TVP23B: variants seen among roughly 807,000 people sequenced by gnomAD.
TVP23B encodes trans-golgi network vesicle protein 23 homolog B.
Under a neutral mutation model 30.6 loss-of-function variants are expected in TVP23B, and 10 were observed. The ratio of observed to expected loss-of-function variants is 0.33; its 90% CI spans 0.20 to 0.55. The LOEUF is 0.55. Ranked by LOEUF, TVP23B falls within the 20% of genes least tolerant of loss-of-function variation. The pLI is 0.91. For missense variants in TVP23B, 153 were observed against 243.2 expected (o/e 0.63, Z 2.47); for synonymous variants, 67 against 83.1 (o/e 0.81, Z 1.06).
At chr17:18,784,700 A>T (rs1195660653) in intron 1 of TVP23B, among the ~76,000 whole-genome samples, 1 of 152,198 alleles carries the variant, frequency 6.6e-6, no homozygotes, top group Admixed American at 6.5e-5. Flanking sequence ...CATCTTACTT[A>T]TGAGCAGCAT....
intron 5 of TVP23B, among the ~76,000 whole-genome samples, chr17:18,800,941 A>G (rs367554687): frequency 0.034 from 4,919 of 144,218 alleles, no homozygotes; most frequent in Non-Finnish European, 0.045. Context: ...AGCTGTCTGG[A>G]GACACAGGGG....
At chr17:18,787,704 C>T (rs2035929668) in intron 1 of TVP23B, among the ~76,000 whole-genome samples, 1 of 152,104 alleles carries the variant, frequency 6.6e-6, no homozygotes, top group African/African-American at 2.4e-5. Context: ...TTCTTAGAGA[C>T]CATGTAGTAA....
chr17:18,792,177 G>T (rs2036007334), intron 3 of TVP23B, among the ~76,000 whole-genome samples: 1 of 151,818 alleles, frequency 6.6e-6, no homozygotes, highest in African/African-American at 2.4e-5. Flanking sequence ...GGGATTACAG[G>T]CATGCACCAC....
At position 18,790,925 on chromosome 17, in the gene TVP23B, T is replaced by C. The variant is rs2035982557; in HGVS notation, c.125T>C (p.Phe42Ser). The C allele has an allele frequency of 6.2e-7, 1 of 1,611,476 alleles. No individual in the cohort carries two copies. Among genetic ancestry groups the C allele is most frequent in the East Asian group, 2.2e-5 (1 of 44,850 alleles). ...RHPVASFFHL[F>S]FRVSAIIVYL... ...CCAGTAGCATCGTTTTTCCACTTATTCTTTCGAGTCAGTGCAATCATCGTC... is the reference window on the plus strand; with the variant it reads ...CCAGTAGCATCGTTTTTCCACTTATCCTTTCGAGTCAGTGCAATCATCGTC... Residue 42 changes from phenylalanine (F) to serine (S), a missense_variant, in exon 3 of 7, where the codon TTC (phenylalanine) becomes TCC (serine). By Grantham distance (155) the Phe-to-Ser change is radical (BLOSUM62 -2). Transcript: ENST00000307767.
chr17:18,793,148 G>A (rs927898833), intron 3 of TVP23B, among the ~76,000 whole-genome samples: 2 of 152,094 alleles, frequency 1.3e-5, no homozygotes, highest in African/African-American at 4.8e-5. Context: ...GTGGGCAGAG[G>A]GTTGGATAGG....
At chr17:18,792,947 G>A (rs577607909) in intron 3 of TVP23B, among the ~76,000 whole-genome samples, 2 of 152,178 alleles carry the variant, frequency 1.3e-5, no homozygotes, top group East Asian at 1.9e-4. Context: ...AAACCCCTAG[G>A]TGTCCAATCT....
At position 18,781,210 on chromosome 17, in the gene TVP23B, T is replaced by G. The variant is rs2035798818; in HGVS notation, c.-84T>G. On this transcript the variant is annotated 5_prime_UTR_variant, in exon 1 of 7. Transcript: ENST00000307767. The stretch of plus-strand genomic sequence containing the variant: ...TACAGTGGTCCCTGCTGGCCCTTGG[T>G]GACGGGTCGCCTCAGTTCCGACCCG... 7.1e-6 allele frequency: 11 copies of G among 1,540,948 alleles called. No homozygotes were observed.
chr17:18,798,789 A>G (rs1475427228), intron 4 of TVP23B, 23 bp from the exon 5 acceptor site: 2 of 1,585,974 alleles, frequency 1.3e-6, no homozygotes, highest in South Asian at 1.1e-5. Context: ...CAACATGATA[A>G]TTGAATTTAT....
intron 3 of TVP23B, among the ~76,000 whole-genome samples, chr17:18,793,232 G>A (rs1354462592): frequency 6.6e-6 from 1 of 152,034 alleles, no homozygotes; most frequent in East Asian, 1.9e-4. Context: ...ATGCTTAAAT[G>A]CTAAAGCTTA....
chr17:18,794,234 T>C (rs8082550), intron 3 of TVP23B, among the ~76,000 whole-genome samples: 33,677 of 152,156 alleles, frequency 0.22, 4,221 homozygotes, highest in East Asian at 0.54. Flanking sequence ...TGGGACTTTG[T>C]ATGACAGAAT....
At chr17:18,790,527 T>C (rs1567633218) in intron 2 of TVP23B, among the ~76,000 whole-genome samples, 1 of 151,816 alleles carries the variant, frequency 6.6e-6, no homozygotes, top group Non-Finnish European at 1.5e-5. Flanking sequence ...TCTTAATGTC[T>C]GAGTGATTTC....
At chr17:18,786,702 G>A (rs2035911388) in intron 1 of TVP23B, among the ~76,000 whole-genome samples, 1 of 152,186 alleles carries the variant, frequency 6.6e-6, no homozygotes, top group South Asian at 2.1e-4. Context: ...AGCCAGGGTT[G>A]AGAACCACTA....
chr17:18,792,873 A>C (rs567323101), intron 3 of TVP23B, among the ~76,000 whole-genome samples: 4 of 152,174 alleles, frequency 2.6e-5, no homozygotes, highest in Admixed American at 6.5e-5. Flanking sequence ...TAAAATAGAG[A>C]TGTGTCGTAA....
intron 3 of TVP23B, among the ~76,000 whole-genome samples, chr17:18,792,208 G>C (rs1195139379): frequency 1.3e-5 from 2 of 151,900 alleles, no homozygotes; most frequent in African/African-American, 2.4e-5. Flanking sequence ...TAATTTTTTT[G>C]TATTTTTAGT....
intron 1 of TVP23B, among the ~76,000 whole-genome samples, chr17:18,786,036 G>A (rs1209937394): frequency 6.6e-6 from 1 of 152,086 alleles, no homozygotes; most frequent in Non-Finnish European, 1.5e-5. Flanking sequence ...CTAAACACCT[G>A]GGATCCCTTC....
In TVP23B at chr17:18,804,719, G is replaced by A. The variant is rs1038593942; in HGVS notation, c.591+453G>A. The A allele has an allele frequency of 1.6e-5, 5 of 314,134 alleles. No individual in the cohort carries two copies. The Admixed American group carries it at 1.6e-4, about 10-fold the overall frequency. The allele number at this position is 314,134 out of a possible 1,614,324, so 19.5% of individuals were successfully genotyped here. On this transcript the variant is annotated intron_variant, in intron 6 of 6. Coordinates refer to ENST00000307767, the MANE Select transcript of TVP23B (RefSeq NM_016078.6). ...TTCTCCTGCCTCAGCCTTATGAGTA[G>A]CTGGGATTACAGGCGCATGCCACCA...
chr17:18,786,568 C>T (rs545569558), intron 1 of TVP23B, among the ~76,000 whole-genome samples: 1 of 152,338 alleles, frequency 6.6e-6, no homozygotes, highest in South Asian at 2.1e-4. Context: ...CGGTGGATCT[C>T]AATCTTGCTG....
At chr17:18,783,383 G>T (rs1415013786) in intron 1 of TVP23B, among the ~76,000 whole-genome samples, 1 of 152,216 alleles carries the variant, frequency 6.6e-6, no homozygotes, top group Non-Finnish European at 1.5e-5. Flanking sequence ...TAGGATTACA[G>T]GCGTGAGCCG....
chr17:18,802,319 ACTTCT>A (rs2036180379), intron 5 of TVP23B, among the ~76,000 whole-genome samples: 1 of 151,992 alleles, frequency 6.6e-6, no homozygotes, highest in Non-Finnish European at 1.5e-5. Flanking sequence ...CCACCTCCTC[ACTTCT>A]CTTAAGATGA....
Sources: allele counts gnomAD v4.1 joint callset (sites outside exome capture counted in the v4.1 genomes callset), GRCh38; gene constraint gnomAD v4.1.1; transcripts MANE v1.5; gene names NCBI Gene and HGNC (gene_info 2026-07-23, HGNC 2026-07-21).